LRBA: variants seen among roughly 807,000 people sequenced by gnomAD.
The protein encoded by LRBA is lipopolysaccharide-responsive and beige-like anchor protein.
A neutral mutation model predicts 330.0 loss-of-function variants in LRBA; 176 were observed. The observed-to-expected ratio is 0.53, with a 90% CI of 0.47 to 0.60. The LOEUF is 0.60. LRBA is among the 20% of genes least tolerant of loss of function. The probability of loss-of-function intolerance (pLI) is 0.00; values close to 1 mark genes in which losing one functional copy is unlikely to be tolerated. For missense variants in LRBA, 3,259 were observed against 3,444.8 expected (o/e 0.95, Z 1.35); for synonymous variants, 1,230 against 1,193.0 (o/e 1.03, Z -0.64).
At chr4:150,740,338 A>G (rs143178567) in intron 35 of LRBA, among the ~76,000 whole-genome samples, 70 of 152,304 alleles carry the variant, frequency 4.6e-4, no homozygotes, top group African/African-American at 1.6e-3. Flanking sequence ...TTAAATAAGG[A>G]TAAGAACAGA....
intron 2 of LRBA, among the ~76,000 whole-genome samples, chr4:150,982,288 T>C (rs1740934732): frequency 6.6e-6 from 1 of 152,190 alleles, no homozygotes; most frequent in Non-Finnish European, 1.5e-5. Flanking sequence ...ATTTTAAAAG[T>C]ACTTACGTAC....
chr4:150,400,152 G>A (rs1745275887), intron 47 of LRBA, among the ~76,000 whole-genome samples: 1 of 152,174 alleles, frequency 6.6e-6, no homozygotes, highest in South Asian at 2.1e-4. Flanking sequence ...GAAGTAAGCA[G>A]GTAAATTGTG....
rs189058606 is a variant in LRBA, at chr4:150,564,857, G to A, written c.6330+23191C>T. 2.2e-4 allele frequency among the ~76,000 whole-genome samples: 33 copies of A among 152,142 alleles called. No individual in the cohort carries two copies. In the East Asian group the frequency reaches 5.4e-3, roughly 25 times the overall value. Reference sequence around the variant, plus strand: ...ACTATCTCATGCCAGTCAGAATGGCGATCATTAAAAAGTCAGGAAACAACA... The same window carrying A: ...ACTATCTCATGCCAGTCAGAATGGCAATCATTAAAAAGTCAGGAAACAACA... On this transcript the variant is annotated intron_variant, in intron 40 of 56. Transcript: ENST00000651943.
chr4:150,577,327 T>C (rs1232344564), intron 40 of LRBA, among the ~76,000 whole-genome samples: 1 of 152,024 alleles, frequency 6.6e-6, no homozygotes, highest in Admixed American at 6.5e-5. Flanking sequence ...CTTTCTGTTT[T>C]TAGTGAAATA....
At chr4:150,296,205 G>C (rs1440368820) in intron 53 of LRBA, among the ~76,000 whole-genome samples, 1 of 152,038 alleles carries the variant, frequency 6.6e-6, no homozygotes, top group Non-Finnish European at 1.5e-5. Flanking sequence ...ACGTAAGTAA[G>C]GGACTCTGAA....
At chr4:150,950,064 C>T (rs1241434258) in intron 2 of LRBA, among the ~76,000 whole-genome samples, 1 of 152,134 alleles carries the variant, frequency 6.6e-6, no homozygotes, top group African/African-American at 2.4e-5. Context: ...ACTTCAGATT[C>T]ATGTGTGCAC....
rs1188205089 is a variant in LRBA, at chr4:150,515,887, AAAACAATTATT to A, written c.6331-24863_6331-24853del. On this transcript the variant is annotated intron_variant, in intron 40 of 56. Coordinates refer to ENST00000651943, the MANE Select transcript of LRBA (RefSeq NM_001364905.1). ...AGAGGGACCATGGGACAAAAAATAT[AAAACAATTATT>A]AGAGGAACACAAAGTACAATCTGAA... 2.6e-5 allele frequency among the ~76,000 whole-genome samples: 4 copies of A among 152,194 alleles called. 1 individual carries two copies. The South Asian group carries it at 8.3e-4, about 32-fold the overall frequency.
chr4:150,435,704 G>A lies in LRBA; in HGVS notation c.6926C>T (p.Pro2309Leu), dbSNP rs1437594316. Residue 2309 changes from proline to leucine, a missense_variant, in exon 46 of 57, where the codon CCC (proline) becomes CTC (leucine). By Grantham distance (98) the Pro-to-Leu change is moderately conservative. Transcript: ENST00000651943. ...CAAATTTAGGAAATAAGTTGTAAAG[G>A]GTTCCTAAAAAATAGCAATTAAAAA... ...FVLAWLLRIEPFTTYFLNLQG... is the reference protein window; with the variant it reads ...FVLAWLLRIELFTTYFLNLQG... 2.5e-6 allele frequency: 4 copies of A among 1,593,330 alleles called. No individual in the cohort carries two copies. Among genetic ancestry groups the A allele is most frequent in the African/African-American group, 1.4e-5 (1 of 73,606 alleles).
chr4:150,994,485 T>G (rs1417635474), intron 2 of LRBA, among the ~76,000 whole-genome samples: 2 of 152,172 alleles, frequency 1.3e-5, no homozygotes, highest in African/African-American at 4.8e-5. Context: ...CCCAAGGCCC[T>G]GGCAATGAAA....
At chr4:150,894,087 T>A (rs1286907515) in intron 16 of LRBA, among the ~76,000 whole-genome samples, 1 of 152,240 alleles carries the variant, frequency 6.6e-6, no homozygotes, top group Non-Finnish European at 1.5e-5. Flanking sequence ...GACTTTTTTT[T>A]AAGGAAGGCT....
intron 51 of LRBA, among the ~76,000 whole-genome samples, chr4:150,312,109 G>A (rs1459743): frequency 0.88 from 133,256 of 151,978 alleles, 59,091 homozygotes; most frequent in Non-Finnish European, 0.94. Context: ...GAGGACCTCA[G>A]CAGATTTGGG....
chr4:150,944,503 T>C (rs1437681873), intron 2 of LRBA, among the ~76,000 whole-genome samples: 1 of 152,082 alleles, frequency 6.6e-6, no homozygotes, highest in African/African-American at 2.4e-5. Flanking sequence ...TGACAGTTAC[T>C]GCAGACTGGC....
chr4:151,003,558 A>T (rs1316598410), intron 2 of LRBA, among the ~76,000 whole-genome samples: 3 of 152,060 alleles, frequency 2.0e-5, no homozygotes, highest in Non-Finnish European at 4.4e-5. Flanking sequence ...GTACTGGCCT[A>T]AAAACAGAGC....
intron 40 of LRBA, among the ~76,000 whole-genome samples, chr4:150,520,117 G>C (rs191179187): frequency 1.1e-4 from 16 of 152,264 alleles, no homozygotes; most frequent in African/African-American, 3.4e-4. Context: ...CCAGTTTGAG[G>C]CTTGCCTAAT....
At chr4:150,743,329 A>G (rs1402550892) in intron 35 of LRBA, among the ~76,000 whole-genome samples, 1 of 152,204 alleles carries the variant, frequency 6.6e-6, no homozygotes, top group African/African-American at 2.4e-5. Context: ...ACATGTGGAA[A>G]ATATTCCTCA....
At chr4:150,570,169 T>C (rs558895725) in intron 40 of LRBA, among the ~76,000 whole-genome samples, 7 of 152,250 alleles carry the variant, frequency 4.6e-5, no homozygotes, top group South Asian at 4.1e-4. Context: ...AAAGAAAATG[T>C]TGCCAAAACT....
chr4:150,704,772 A>G (rs1485953194), intron 36 of LRBA, among the ~76,000 whole-genome samples: 2 of 152,160 alleles, frequency 1.3e-5, no homozygotes, highest in East Asian at 3.8e-4. Flanking sequence ...TTGGACTATC[A>G]TGTAAAAATA....
At chr4:150,898,357 C>A (rs145650430) in intron 14 of LRBA, among the ~76,000 whole-genome samples, 1 of 152,218 alleles carries the variant, frequency 6.6e-6, no homozygotes, top group African/African-American at 2.4e-5. Flanking sequence ...CCTCTGACAT[C>A]TCCTTCTCTG....
At chr4:150,609,514 A>T (rs760264475) in intron 37 of LRBA, among the ~76,000 whole-genome samples, 4 of 152,198 alleles carry the variant, frequency 2.6e-5, no homozygotes, top group African/African-American at 9.7e-5. Flanking sequence ...TACTTCTTAT[A>T]AGAGATATTA....
Sources: gnomAD v4.1 joint callset for allele counts (sites outside exome capture counted in the v4.1 genomes callset) on GRCh38, gnomAD v4.1.1 for gene constraint, MANE v1.5 for transcripts, NCBI Gene and HGNC (gene_info 2026-07-23, HGNC 2026-07-21) for gene names.